Variants in TMEM120B observed in about 807,000 individuals in gnomAD.
The protein encoded by TMEM120B is transmembrane protein 120B.
Under a neutral mutation model 55.5 loss-of-function variants are expected in TMEM120B, and 31 were observed. The ratio of observed to expected loss-of-function variants is 0.56; its 90% CI spans 0.42 to 0.75. The LOEUF is 0.75. Ranked by LOEUF, TMEM120B falls within the 30% of genes least tolerant of loss-of-function variation. The pLI is 0.00. For missense variants in TMEM120B, 399 were observed against 425.5 expected (o/e 0.94, Z 0.55); for synonymous variants, 203 against 176.3 (o/e 1.15, Z -1.20).
chr12:121,741,391 G>A (rs936820520), intron 1 of TMEM120B, among the ~76,000 whole-genome samples: 15 of 152,076 alleles, frequency 9.9e-5, no homozygotes, highest in African/African-American at 2.4e-4. Flanking sequence ...GTGCAATGGC[G>A]CGATCTCGGC....
At chr12:121,756,792 G>A (rs537896440) in intron 5 of TMEM120B, among the ~76,000 whole-genome samples, 10 of 152,288 alleles carry the variant, frequency 6.6e-5, no homozygotes, top group South Asian at 2.1e-4. Context: ...CACAGAGTTC[G>A]TCTCAAGAGA....
At chr12:121,769,604 T>G (rs199888912) in intron 6 of TMEM120B, among the ~76,000 whole-genome samples, 1 of 151,728 alleles carries the variant, frequency 6.6e-6, no homozygotes, top group Admixed American at 6.6e-5. Flanking sequence ...CTCAGGAGGC[T>G]GAGGTGGGAG....
chr12:121,742,699 CCTCAGT>C (rs79089935), intron 1 of TMEM120B, among the ~76,000 whole-genome samples: 37,929 of 151,806 alleles, frequency 0.25, 4,940 homozygotes, highest in Non-Finnish European at 0.28. Flanking sequence ...GATTCTCCTG[CCTCAGT>C]CTCCCAAGTA....
chr12:121,773,561 CAGCTCCCCACA>C, intron 9 of TMEM120B, 48 bp downstream of exon 9: 1 of 1,421,690 alleles, frequency 7.0e-7, no homozygotes, highest in Non-Finnish European at 9.5e-7. Context: ...CTGGACCTGC[CAGCTCCCCACA>C]CCGGGAGTGC....
chr12:121,741,761 T>TA, intron 1 of TMEM120B, among the ~76,000 whole-genome samples: 1 of 151,950 alleles, frequency 6.6e-6, no homozygotes, highest in Admixed American at 6.6e-5. Flanking sequence ...GCCTCCCGAG[T>TA]AGCTGGGATT....
At chr12:121,744,654 T>C (rs1873030111) in intron 2 of TMEM120B, among the ~76,000 whole-genome samples, 1 of 152,130 alleles carries the variant, frequency 6.6e-6, no homozygotes, top group Non-Finnish European at 1.5e-5. Context: ...CCCTCCTGCC[T>C]GGTATGTGAA....
chr12:121,752,269 C>T (rs1237621942), intron 5 of TMEM120B, 46 bp downstream of exon 5: 1 of 1,543,202 alleles, frequency 6.5e-7, no homozygotes, highest in South Asian at 1.1e-5. Context: ...ATGCAGACGT[C>T]AGGTGGGGGC....
At chr12:121,774,776 C>A in intron 10 of TMEM120B, 54 bp downstream of exon 10, 1 of 1,589,006 alleles carries the variant, frequency 6.3e-7, no homozygotes, top group Non-Finnish European at 8.6e-7. Context: ...CCCCCAGGAA[C>A]AGAAGGTCTT....
Position 121,746,964 on chromosome 12 carries a change from AAAAAG to A in TMEM120B, c.189-1347_189-1343del, listed in dbSNP as rs527345662. Among the ~76,000 whole-genome samples, 413 of 152,224 alleles carry A rather than the reference AAAAAG, an allele frequency of 2.7e-3. 1 individual carries two copies. The highest frequency in any genetic ancestry group is 4.8e-3 in the Non-Finnish European group (328 of 68,008). ...CAGAGCAAGACTCTGTCTCAAAAAA[AAAAAG>A]AAAAGAAAAGAAAAATGAGAAGAAA... On this transcript the variant is annotated intron_variant, in intron 2 of 11. Coordinates refer to ENST00000449592, the MANE Select transcript of TMEM120B (RefSeq NM_001080825.2).
chr12:121,737,336 T>A (rs1872778027), intron 1 of TMEM120B, among the ~76,000 whole-genome samples: 1 of 151,830 alleles, frequency 6.6e-6, no homozygotes, highest in Admixed American at 6.6e-5. Context: ...GAAACCCTGT[T>A]TCTACTAAAA....
At position 121,775,218 on chromosome 12, in the gene TMEM120B, G is replaced by T; in HGVS notation, c.906+88G>T. 1.5e-6 allele frequency: 2 copies of T among 1,295,108 alleles called. No individual in the cohort carries two copies. The allele number at this position is 1,295,108 out of a possible 1,614,324, so 80.2% of individuals were successfully genotyped here. On this transcript the variant is annotated intron_variant, in intron 11 of 11. Transcript: ENST00000449592. The surrounding 1 kb of genome is among the most constrained non-coding windows in gnomAD (Gnocchi z 4.3). ...GTGTATGTGTGGCATGCTGGGGTGC[G>T]GATTCCTGGGGAGGGCTGGGATGGC... is the stretch of plus-strand genomic sequence containing the variant.
At chr12:121,736,603 G>A (rs965063686) in intron 1 of TMEM120B, among the ~76,000 whole-genome samples, 12 of 151,830 alleles carry the variant, frequency 7.9e-5, no homozygotes, top group African/African-American at 1.9e-4. Flanking sequence ...AGGCTGGAGC[G>A]CAGTGGCACA....
intron 5 of TMEM120B, among the ~76,000 whole-genome samples, chr12:121,755,950 C>T (rs1873464287): frequency 6.6e-6 from 1 of 152,106 alleles, no homozygotes; most frequent in Non-Finnish European, 1.5e-5. Flanking sequence ...CCCAGGAACA[C>T]CCAGAGTGGC....
chr12:121,748,442 G>A lies in TMEM120B; in HGVS notation c.305G>A (p.Gly102Glu). The A allele has an allele frequency of 1.2e-6, 2 of 1,602,906 alleles. No individual in the cohort carries two copies. Among genetic ancestry groups the A allele is most frequent in the Non-Finnish European group, 1.7e-6 (2 of 1,172,890 alleles). ...DMEAYLPKKNGLYLNLVLGNV... is the reference protein window; with the variant it reads ...DMEAYLPKKNELYLNLVLGNV... ...GAGGCCTACCTGCCCAAGAAGAACG[G>A]GTAGGAGCTGGCAACCTCCCCACCC... Residue 102 changes from glycine to glutamate, a missense_variant and splice_region_variant, in exon 3 of 12, where the codon GGG becomes GAG. Physicochemically the swap from Gly to Glu is moderately conservative, Grantham distance 98. This residue lies in a region of TMEM120B where 260 missense variants were observed against 303.9 expected (regional missense o/e 0.86). Coordinates refer to ENST00000449592, the MANE Select transcript of TMEM120B (RefSeq NM_001080825.2).
At chr12:121,750,893 TCCC>T (rs1873280474) in intron 4 of TMEM120B, among the ~76,000 whole-genome samples, 1 of 8,478 alleles carries the variant, frequency 1.2e-4, no homozygotes. Context: ...ACACCCCACA[TCCC>T]ACACCCACAC....
intron 6 of TMEM120B, among the ~76,000 whole-genome samples, chr12:121,768,260 T>C (rs1178687295): frequency 6.6e-6 from 1 of 152,224 alleles, no homozygotes; most frequent in Non-Finnish European, 1.5e-5. Flanking sequence ...GCTGCTGCTT[T>C]CACCAGCCAC....
chr12:121,729,102 AG>A (rs1270654380), intron 1 of TMEM120B, among the ~76,000 whole-genome samples: 1 of 152,192 alleles, frequency 6.6e-6, no homozygotes, highest in Non-Finnish European at 1.5e-5. Context: ...AGTGTGGCAG[AG>A]GGATGGGTAC....
intron 1 of TMEM120B, among the ~76,000 whole-genome samples, chr12:121,739,654 G>A (rs1033621209): frequency 2.0e-5 from 3 of 151,808 alleles, no homozygotes; most frequent in African/African-American, 7.3e-5. Flanking sequence ...TGTATTTTTA[G>A]TAGAGACGGG....
chr12:121,763,874 C>T (rs1873762252), intron 6 of TMEM120B, among the ~76,000 whole-genome samples: 1 of 152,198 alleles, frequency 6.6e-6, no homozygotes, highest in African/African-American at 2.4e-5. Context: ...GCCACCTTCC[C>T]ACTTGTTTGC....
Sources: gnomAD v4.1 joint callset for allele counts (sites outside exome capture counted in the v4.1 genomes callset) on GRCh38, gnomAD v4.1.1 for gene constraint, gnomAD v4.1.1 regional missense constraint, Gnocchi (gnomAD v3.1) non-coding constraint, MANE v1.5 for transcripts, NCBI Gene and HGNC (gene_info 2026-07-23, HGNC 2026-07-21) for gene names.